The following ZNF521 variants were observed in gnomAD, a reference collection of about 807,000 sequenced individuals.
The protein encoded by ZNF521 is LYST-interacting protein 3.
In ZNF521, 14 loss-of-function variants were observed where a neutral mutation model predicts 105.5. That is an observed-to-expected ratio of 0.13 (90% CI 0.09 to 0.21). The LOEUF (loss-of-function observed/expected upper bound fraction) is 0.21. Ranked by LOEUF, ZNF521 falls within the 10% of genes least tolerant of loss-of-function variation. The pLI is 1.00. For synonymous variants in ZNF521, 635 were observed against 606.0 expected, an observed-to-expected ratio of 1.05 and a Z score of -0.70; for missense variants, 1,233 against 1,629.7, an observed-to-expected ratio of 0.76 and a Z score of 4.19.
chr18:25,204,465 G>A lies in ZNF521; in HGVS notation c.3574-9221C>T, dbSNP rs544200255. ...AAAGCAAAACTCAGTGTTAAAGATG[G>A]AGTCATTTCCATGGATCATACCAAA... On this transcript the variant is annotated intron_variant, in intron 4 of 7. Transcript: ENST00000361524. 5.3e-5 allele frequency among the ~76,000 whole-genome samples: 8 copies of A among 152,216 alleles called. No homozygotes were observed. In the East Asian group the frequency reaches 1.5e-3, roughly 29 times the overall value.
intron 7 of ZNF521, among the ~76,000 whole-genome samples, chr18:25,072,899 C>T (rs191330699): frequency 2.6e-5 from 4 of 152,302 alleles, no homozygotes; most frequent in Non-Finnish European, 5.9e-5. Context: ...TTTAATTTAT[C>T]ACACTGGCGC....
chr18:25,205,961 G>T lies in ZNF521; in HGVS notation c.3574-10717C>A, dbSNP rs1398488862. ...CCTGAACAGCTATAAGCTCTTTAAG[G>T]CTAGGTAGAAGGCTCTGTCTTATTC... On this transcript the variant is annotated intron_variant, in intron 4 of 7. Transcript: ENST00000361524. Among the ~76,000 whole-genome samples, 4 of 151,970 alleles carry T rather than the reference G, an allele frequency of 2.6e-5. No homozygotes were observed. The Middle Eastern group carries it at 0.01, about 388-fold the overall frequency.
intron 7 of ZNF521, among the ~76,000 whole-genome samples, chr18:25,088,547 T>TCTC (rs1303918618): frequency 1.3e-5 from 2 of 151,912 alleles, no homozygotes; most frequent in Admixed American, 1.3e-4. Flanking sequence ...TCGACTCTAT[T>TCTC]CTCCTCCACG....
At position 25,227,056 on chromosome 18, in the gene ZNF521, C is replaced by T. The variant is rs1407889580; in HGVS notation, c.862G>A (p.Glu288Lys). 1 of 1,613,970 alleles carries T rather than the reference C, an allele frequency of 6.2e-7. No homozygotes were observed. Among genetic ancestry groups the T allele is most frequent in the South Asian group, 1.1e-5 (1 of 91,082 alleles). ...AGGGAGGTCTCCTCTACGAAGAGCT[C>T]GTGGCAGTAGACACACTGGAGGGCC... ...RAALQCVYCH[E>K]LFVEETSLMN... is the part of the protein sequence containing the mutation. Residue 288 changes from glutamate to lysine, a missense_variant, in exon 4 of 8, where the codon GAG becomes AAG. Coordinates refer to ENST00000361524, the MANE Select transcript of ZNF521 (RefSeq NM_015461.3). The surrounding 1 kb of genome is among the most constrained non-coding windows in gnomAD (Gnocchi z 5.7).
At position 25,227,400 on chromosome 18, in the gene ZNF521, T is replaced by C; in HGVS notation, c.518A>G (p.Lys173Arg). 6.2e-7 allele frequency: 1 copy of C among 1,614,178 alleles called. No homozygotes were observed. The highest frequency in any genetic ancestry group is 2.2e-5 in the East Asian group (1 of 44,872). ...RHIKLHTGDK[K>R]YHCSECDAAF... ...AGCATCACATTCACTGCAGTGGTACTTCTTGTCCCCGGTGTGGAGTTTTAT... is the reference window on the plus strand; with the variant it reads ...AGCATCACATTCACTGCAGTGGTACCTCTTGTCCCCGGTGTGGAGTTTTAT... The change falls in exon 4 of 8, where the codon AAG becomes AGG. Residue 173 changes from lysine to arginine, a missense_variant. Physicochemically the swap from Lys to Arg is conservative, Grantham distance 26. Transcript: ENST00000361524. The surrounding 1 kb of genome is among the most constrained non-coding windows in gnomAD (Gnocchi z 5.7).
At position 25,224,417 on chromosome 18, in the gene ZNF521, G is replaced by A; in HGVS notation, c.3501C>T (p.Asp1167=). The change falls in exon 4 of 8, where the codon GAC becomes GAT. Residue 1167 remains aspartate, a synonymous_variant. Coordinates refer to ENST00000361524, the MANE Select transcript of ZNF521 (RefSeq NM_015461.3). ...GCGTTTTCAACTGTGTGCTGTTGCTGTCTGGCACGAGCTCTCGGTGGATGG... is the reference window on the plus strand; with the variant it reads ...GCGTTTTCAACTGTGTGCTGTTGCTATCTGGCACGAGCTCTCGGTGGATGG... ...IQTIHRELVP[D]SNSTQLKTPQ... 1.9e-6 allele frequency: 3 copies of A among 1,613,992 alleles called. No individual in the cohort carries two copies. The highest frequency in any genetic ancestry group is 1.1e-5 in the South Asian group (1 of 91,066).
chr18:25,310,750 C>G (rs1912260072), intron 3 of ZNF521, among the ~76,000 whole-genome samples: 2 of 152,200 alleles, frequency 1.3e-5, no homozygotes, highest in South Asian at 4.1e-4. Context: ...TGGTTTGAAG[C>G]ACTATGATTC....
At chr18:25,321,171 T>C (rs1433284047) in intron 3 of ZNF521, among the ~76,000 whole-genome samples, 1 of 152,092 alleles carries the variant, frequency 6.6e-6, no homozygotes, top group Admixed American at 6.5e-5. Context: ...TACACACACA[T>C]AGGAGTGGCA....
intron 5 of ZNF521, among the ~76,000 whole-genome samples, chr18:25,193,300 A>G (rs970951873): frequency 6.6e-6 from 1 of 152,136 alleles, no homozygotes; most frequent in Non-Finnish European, 1.5e-5. Flanking sequence ...GAAATTCTAA[A>G]TGTGCAAAAG....
intron 3 of ZNF521, among the ~76,000 whole-genome samples, chr18:25,260,859 G>C (rs770480299): frequency 1.3e-5 from 2 of 152,128 alleles, no homozygotes; most frequent in Non-Finnish European, 2.9e-5. Flanking sequence ...AGGAACACAA[G>C]AAGGAAAATA....
chr18:25,326,720 A>C (rs897992021), intron 2 of ZNF521, among the ~76,000 whole-genome samples: 4 of 152,202 alleles, frequency 2.6e-5, no homozygotes, highest in Non-Finnish European at 5.9e-5. Context: ...TACCTTAAAA[A>C]CCAGAGTCAG....
chr18:25,125,234 T>C (rs1404058482), intron 5 of ZNF521, among the ~76,000 whole-genome samples: 3 of 152,128 alleles, frequency 2.0e-5, no homozygotes, highest in South Asian at 2.1e-4. Flanking sequence ...GGGAATATGA[T>C]AGACAATAAT....
At position 25,335,439 on chromosome 18, in the gene ZNF521, G is replaced by C. The variant is rs141948434; in HGVS notation, c.41-13252C>G. ...AAACACTCTGTACCTCGCCTAACCAGATGTCCATCCCCAGCCCTGGCTGAC... is the reference window on the plus strand; with the variant it reads ...AAACACTCTGTACCTCGCCTAACCACATGTCCATCCCCAGCCCTGGCTGAC... On this transcript the variant is annotated intron_variant, in intron 2 of 7. Coordinates refer to ENST00000361524, the MANE Select transcript of ZNF521 (RefSeq NM_015461.3). Among the ~76,000 whole-genome samples the C allele has an allele frequency of 2.4e-3, 372 of 152,254 alleles. 3 individuals are homozygous for C. The highest frequency in any genetic ancestry group is 8.2e-3 in the African/African-American group (342 of 41,558).
At chr18:25,122,136 T>G (rs1473617798) in intron 5 of ZNF521, among the ~76,000 whole-genome samples, 1 of 152,098 alleles carries the variant, frequency 6.6e-6, no homozygotes, top group African/African-American at 2.4e-5. Context: ...AGATCCATAT[T>G]GAACTTGAAG....
rs368195153 is a variant in ZNF521 at position 25,121,027 on chromosome 18, T to C, written c.3659-28946A>G. The stretch of plus-strand genomic sequence containing the variant: ...TTTCATAGTTTGGTCAAGAAGTTTT[T>C]GGAGAAAAATCCAAAACAAAAAAAT... On this transcript the variant is annotated intron_variant, in intron 5 of 7. Transcript: ENST00000361524. 1.8e-4 allele frequency among the ~76,000 whole-genome samples: 28 copies of C among 152,178 alleles called. No homozygotes were observed. In the East Asian group the frequency reaches 4.1e-3, roughly 22 times the overall value.
chr18:25,296,647 T>C (rs982714314), intron 3 of ZNF521, among the ~76,000 whole-genome samples: 1 of 152,156 alleles, frequency 6.6e-6, no homozygotes. Flanking sequence ...CATCTAACTT[T>C]CTTTCTGGGA....
intron 3 of ZNF521, among the ~76,000 whole-genome samples, chr18:25,312,385 C>T (rs1040389308): frequency 2.6e-5 from 4 of 151,994 alleles, no homozygotes; most frequent in African/African-American, 4.8e-5. Flanking sequence ...GAATGGCAGA[C>T]CAGGTACTAA....
At chr18:25,290,217 T>C (rs1213524003) in intron 3 of ZNF521, among the ~76,000 whole-genome samples, 1 of 152,166 alleles carries the variant, frequency 6.6e-6, no homozygotes, top group Non-Finnish European at 1.5e-5. Context: ...GCGCTTTGAT[T>C]AGTAATAGTA....
Position 25,227,004 on chromosome 18 carries a change from C to T in ZNF521, c.914G>A (p.Ser305Asn), listed in dbSNP as rs528785388. 6 of 1,614,034 alleles carry T rather than the reference C, an allele frequency of 3.7e-6. No homozygotes were observed. Among genetic ancestry groups the T allele is most frequent in the South Asian group, 1.1e-5 (1 of 91,080 alleles). ...GCTGCATGAGTTCTTCTTCTCCCCG[C>T]TATGCACCTGCTCCATGTGGTTCAT... is the stretch of plus-strand genomic sequence containing the variant. Reference protein sequence around the residue: ...SLMNHMEQVHSGEKKNSCSIC... With the variant: ...SLMNHMEQVHNGEKKNSCSIC... Residue 305 changes from serine to asparagine, a missense_variant, in exon 4 of 8, where the codon AGC (serine) becomes AAC (asparagine). By Grantham distance (46) the Ser-to-Asn change is conservative (BLOSUM62 1). This residue lies in a region of ZNF521 where 380 missense variants were observed against 478.0 expected (regional missense o/e 0.80). Transcript: ENST00000361524. The surrounding 1 kb of genome is among the most constrained non-coding windows in gnomAD (Gnocchi z 5.7).
Sources: allele counts gnomAD v4.1 joint callset (sites outside exome capture counted in the v4.1 genomes callset), GRCh38; gene constraint gnomAD v4.1.1; regional missense constraint gnomAD v4.1.1; non-coding constraint Gnocchi (gnomAD v3.1); transcripts MANE v1.5; gene names NCBI Gene and HGNC (gene_info 2026-07-23, HGNC 2026-07-21).